ACTN4: variants seen among roughly 807,000 people sequenced by gnomAD.
ACTN4 encodes actinin alpha 4.
A neutral mutation model predicts 114.2 loss-of-function variants in ACTN4; 18 were observed. The ratio of observed to expected loss-of-function variants is 0.16; its 90% CI spans 0.11 to 0.23. The LOEUF is 0.23. ACTN4 is among the 10% of genes least tolerant of loss of function. The pLI, the probability that ACTN4 is intolerant of heterozygous loss-of-function variation, is 1.00. For missense variants in ACTN4, 722 were observed against 1,262.9 expected (o/e 0.57, Z 6.49); for synonymous variants, 515 against 506.3 (o/e 1.02, Z -0.23).
intron 1 of ACTN4, chr19:38,648,142 A>G: frequency 2.2e-6 from 1 of 446,300 alleles, no homozygotes; most frequent in Admixed American, 4.3e-5. Flanking sequence ...TGGGAGTCAA[A>G]TAAAAGGAAT....
chr19:38,721,299 C>G (rs1568741574), intron 11 of ACTN4, among the ~76,000 whole-genome samples: 1 of 152,242 alleles, frequency 6.6e-6, no homozygotes, highest in Non-Finnish European at 1.5e-5. Context: ...GAGATGGAAT[C>G]TCTCTCTCAG....
intron 11 of ACTN4, 26 bp from the exon 12 acceptor site, chr19:38,721,512 T>C: frequency 6.2e-7 from 1 of 1,613,162 alleles, no homozygotes; most frequent in Non-Finnish European, 8.5e-7. Flanking sequence ...CGTGCTGTGG[T>C]CTAAGCGTCT....
In ACTN4 at chr19:38,730,628, G is replaced by A; in HGVS notation, c.*1196G>A. The A allele has an allele frequency of 1.6e-6, 1 of 613,662 alleles. No homozygotes were observed. The highest frequency in any genetic ancestry group is 2.9e-6 in the Non-Finnish European group (1 of 343,958). 38.0% of individuals were successfully genotyped at this position (613,662 alleles called of 1,614,324 possible). ...TAGCACTGTCTTAAGCTGTCAACGT[G>A]GACTAGCTCGTGTCATCTGCTCGAG... is the stretch of plus-strand genomic sequence containing the variant. On this transcript the variant is annotated 3_prime_UTR_variant, in exon 21 of 21. Coordinates refer to ENST00000252699, the MANE Select transcript of ACTN4 (RefSeq NM_004924.6).
rs764176900 is a variant in ACTN4, at chr19:38,727,917, G to T, written c.2338-29G>T. 8 of 1,609,236 alleles carry T rather than the reference G, an allele frequency of 5.0e-6. No individual in the cohort carries two copies. The highest frequency in any genetic ancestry group is 1.6e-4 in the Middle Eastern group (1 of 6,078). On this transcript the variant is annotated intron_variant, in intron 18 of 20. Coordinates refer to ENST00000252699, the MANE Select transcript of ACTN4 (RefSeq NM_004924.6). This position sits in a 1 kb window ranked among gnomAD's most constrained non-coding sequence, Gnocchi z 5.4. ...TCCTGGTCTCCACGCCGCCCCTCCC[G>T]CACACCTGCCTTCGGATGGCCCCGG...
chr19:38,707,083 G>T (rs1568726192), intron 5 of ACTN4, among the ~76,000 whole-genome samples: 2 of 152,146 alleles, frequency 1.3e-5, no homozygotes, highest in South Asian at 4.1e-4. Context: ...GGTTTGCAGC[G>T]GCCTCAGGCT....
At chr19:38,726,127 A>G (rs1343895330) in intron 17 of ACTN4, among the ~76,000 whole-genome samples, 1 of 152,118 alleles carries the variant, frequency 6.6e-6, no homozygotes, top group Non-Finnish European at 1.5e-5. Context: ...GTCTCTACAA[A>G]AAATGAAAAT....
intron 1 of ACTN4, among the ~76,000 whole-genome samples, chr19:38,691,173 T>G (rs1018966996): frequency 6.6e-6 from 1 of 152,064 alleles, no homozygotes; most frequent in Non-Finnish European, 1.5e-5. Context: ...TCCAGCACTT[T>G]GGGAGGCCGA....
rs1968241268 is a variant in ACTN4, at chr19:38,700,646, A to G, written c.209A>G (p.Gln70Arg). Reference sequence around the variant, plus strand: ...TCCCACCTGCGGAAGGCAGGCACACAGATCGAGAACATTGATGAGGACTTC... The same window carrying G: ...TCCCACCTGCGGAAGGCAGGCACACGGATCGAGAACATTGATGAGGACTTC... ...CNSHLRKAGT[Q>R]IENIDEDFRD... Residue 70 changes from glutamine to arginine, a missense_variant, in exon 2 of 21, where the codon CAG becomes CGG. Coordinates refer to ENST00000252699, the MANE Select transcript of ACTN4 (RefSeq NM_004924.6). 1 of 1,614,058 alleles carries G rather than the reference A, an allele frequency of 6.2e-7. No individual in the cohort carries two copies. Among genetic ancestry groups the G allele is most frequent in the African/African-American group, 1.3e-5 (1 of 74,926 alleles).
At chr19:38,673,659 A>T (rs1487711510) in intron 1 of ACTN4, among the ~76,000 whole-genome samples, 1 of 15,268 alleles carries the variant, frequency 6.5e-5, no homozygotes. Flanking sequence ...ATATATTTAT[A>T]TATATTATAT....
rs773403831 is a variant in ACTN4 at position 38,647,695 on chromosome 19, G to A, written c.-51G>A. ...GCGGCGGCGGCTCGGGCAGAGGGGC[G>A]GGAGCTGAGGCGGGAGCGGACAGGC... On this transcript the variant is annotated 5_prime_UTR_variant, in exon 1 of 21. Coordinates refer to ENST00000252699, the MANE Select transcript of ACTN4 (RefSeq NM_004924.6). 2.6e-6 allele frequency: 4 copies of A among 1,514,970 alleles called. No individual in the cohort carries two copies. The highest frequency in any genetic ancestry group is 3.5e-6 in the Non-Finnish European group (4 of 1,132,618). 93.8% of individuals were successfully genotyped at this position (1,514,970 alleles called of 1,614,324 possible). A position where few individuals can be genotyped will look rare whatever the true frequency, so the allele number is the denominator to read the frequency against.
intron 11 of ACTN4, among the ~76,000 whole-genome samples, chr19:38,719,985 C>T (rs1482068458): frequency 6.6e-6 from 1 of 152,240 alleles, no homozygotes; most frequent in Admixed American, 6.5e-5. Context: ...ACTGGGCATC[C>T]ACGCGGGTCT....
chr19:38,682,826 C>A (rs969812869), intron 1 of ACTN4, among the ~76,000 whole-genome samples: 3 of 152,182 alleles, frequency 2.0e-5, no homozygotes, highest in African/African-American at 4.8e-5. Context: ...GGAATGATCT[C>A]CCCCTGGTTG....
chr19:38,649,242 T>G, intron 1 of ACTN4, among the ~76,000 whole-genome samples: 1 of 103,776 alleles, frequency 9.6e-6, no homozygotes, highest in African/African-American at 3.8e-5. Flanking sequence ...AGAAGTGGAG[T>G]GGGATCCCCG....
chr19:38,700,566 A>C, intron 1 of ACTN4, 34 bp from the exon 2 acceptor site: 1 of 1,574,668 alleles, frequency 6.4e-7, no homozygotes, highest in Non-Finnish European at 8.7e-7. Flanking sequence ...AGCCAGGCTG[A>C]CTCTGCGCAC....
chr19:38,679,886 C>T (rs939808698), intron 1 of ACTN4, among the ~76,000 whole-genome samples: 4 of 152,176 alleles, frequency 2.6e-5, no homozygotes, highest in African/African-American at 9.7e-5. Flanking sequence ...CCTTTGGCTT[C>T]CTTGACATCA....
At chr19:38,668,267 A>C (rs1967023808) in intron 1 of ACTN4, among the ~76,000 whole-genome samples, 1 of 152,218 alleles carries the variant, frequency 6.6e-6, no homozygotes, top group African/African-American at 2.4e-5. Flanking sequence ...GTTTCCTGTG[A>C]TCCTAGATCC....
At chr19:38,651,689 C>T (rs752067) in intron 1 of ACTN4, among the ~76,000 whole-genome samples, 98,312 of 151,898 alleles carry the variant, frequency 0.65, 32,436 homozygotes, top group South Asian at 0.83. Flanking sequence ...TATGAGTTAA[C>T]TATTTGAAAG....
chr19:38,654,367 GC>G (rs1976651773), intron 1 of ACTN4, among the ~76,000 whole-genome samples: 1 of 152,068 alleles, frequency 6.6e-6, no homozygotes, highest in Non-Finnish European at 1.5e-5. Flanking sequence ...TTCAAGACCA[GC>G]CTGGCGAACA....
chr19:38,664,025 C>G (rs948307994), intron 1 of ACTN4, among the ~76,000 whole-genome samples: 1 of 152,260 alleles, frequency 6.6e-6, no homozygotes, highest in Admixed American at 6.5e-5. Flanking sequence ...GTGCTGCACA[C>G]TGCCGCCCAG....
Sources: gnomAD v4.1 joint callset for allele counts (sites outside exome capture counted in the v4.1 genomes callset) on GRCh38, gnomAD v4.1.1 for gene constraint, Gnocchi (gnomAD v3.1) non-coding constraint, MANE v1.5 for transcripts, NCBI Gene and HGNC (gene_info 2026-07-23, HGNC 2026-07-21) for gene names.